Variants in TRIM69 observed in about 807,000 individuals in gnomAD.
TRIM69 encodes the protein E3 ubiquitin-protein ligase TRIM69.
A neutral mutation model predicts 37.7 loss-of-function variants in TRIM69; 29 were observed. The observed-to-expected ratio is 0.77, with a 90% CI of 0.57 to 1.05. The LOEUF is 1.05. Among genes scored for constraint, TRIM69 ranks in the 50% least tolerant of loss-of-function variants. The pLI is 0.00. For synonymous variants in TRIM69, 209 were observed against 212.4 expected (o/e 0.98, Z 0.14); for missense variants, 596 against 579.9 (o/e 1.03, Z -0.28).
At chr15:44,750,841 C>A (rs1233387664) in intron 1 of TRIM69, among the ~76,000 whole-genome samples, 1 of 150,010 alleles carries the variant, frequency 6.7e-6, no homozygotes, top group Non-Finnish European at 1.5e-5. Context: ...TCTCCTGCCT[C>A]AGCCTCCCGA....
chr15:44,761,446 G>A (rs1468907416), intron 6 of TRIM69, among the ~76,000 whole-genome samples: 1 of 151,982 alleles, frequency 6.6e-6, no homozygotes, highest in Non-Finnish European at 1.5e-5. Flanking sequence ...ATCTTATTGT[G>A]GTTTTAATTT....
intron 6 of TRIM69, among the ~76,000 whole-genome samples, chr15:44,763,297 G>C (rs187419267): frequency 6.6e-6 from 1 of 152,282 alleles, no homozygotes; most frequent in Admixed American, 6.5e-5. Context: ...CAATTTGTTT[G>C]ATGTTTTCCT....
rs1356987267 is a variant in TRIM69, at chr15:44,736,684, C to A, written c.-21C>A. On this transcript the variant is annotated 5_prime_UTR_variant, in exon 1 of 7. Transcript: ENST00000329464. Reference sequence around the variant, plus strand: ...CTCTGATTCAAGTGCCTGCCTCTGCCCCTTGGTGGGCTGAAGCTTCATGGA... The same window carrying A: ...CTCTGATTCAAGTGCCTGCCTCTGCACCTTGGTGGGCTGAAGCTTCATGGA... 6.2e-7 allele frequency: 1 copy of A among 1,611,932 alleles called. No homozygotes were observed. Among genetic ancestry groups the A allele is most frequent in the African/African-American group, 1.3e-5 (1 of 74,696 alleles).
rs193083651 is a variant in TRIM69 at position 44,756,855 on chromosome 15, G to A, written c.579+392G>A. 2.7e-3 allele frequency: 435 copies of A among 159,070 alleles called. 6 individuals are homozygous for A. Among genetic ancestry groups the A allele is most frequent in the Non-Finnish European group, 1.2e-3 (90 of 72,132 alleles). The allele number at this position is 159,070 out of a possible 1,614,324, so 9.9% of individuals were successfully genotyped here. A position where few individuals can be genotyped will look rare whatever the true frequency, so the allele number is the denominator to read the frequency against. ...TTTATTTCCTTTGAGTTTATAACCA[G>A]ACACCTCTGGACTAGGTCTCTAAGG... On this transcript the variant is annotated intron_variant, in intron 3 of 6. Coordinates refer to ENST00000329464, the MANE Select transcript of TRIM69 (RefSeq NM_182985.5).
Position 44,736,665 on chromosome 15 carries a change from T to C in TRIM69, c.-40T>C. ...CCATCCTGGGCCTGCTGAGCTCTGATTCAAGTGCCTGCCTCTGCCCCTTGG... is the reference window on the plus strand; with the variant it reads ...CCATCCTGGGCCTGCTGAGCTCTGACTCAAGTGCCTGCCTCTGCCCCTTGG... On this transcript the variant is annotated 5_prime_UTR_variant, in exon 1 of 7. Coordinates refer to ENST00000329464, the MANE Select transcript of TRIM69 (RefSeq NM_182985.5). The C allele has an allele frequency of 6.2e-7, 1 of 1,610,906 alleles. No individual in the cohort carries two copies. Among genetic ancestry groups the C allele is most frequent in the South Asian group, 1.1e-5 (1 of 90,752 alleles).
At chr15:44,756,956 C>T (rs1211526354) in intron 3 of TRIM69, 1 of 152,416 alleles carries the variant, frequency 6.6e-6, no homozygotes, top group Non-Finnish European at 1.5e-5. Flanking sequence ...GCACTTTCAA[C>T]TTCATAGGCA....
At chr15:44,749,013 C>G (rs7178434) in intron 1 of TRIM69, among the ~76,000 whole-genome samples, 1 of 151,538 alleles carries the variant, frequency 6.6e-6, no homozygotes, top group African/African-American at 2.4e-5. Flanking sequence ...TCCGAGTAGC[C>G]GGGATTACAG....
rs1042452581 is a variant in TRIM69, at chr15:44,767,173, G to A, written c.962-58G>A. 5 of 1,421,194 alleles carry A rather than the reference G, an allele frequency of 3.5e-6. No homozygotes were observed. In the African/African-American group the frequency reaches 5.8e-5, roughly 16 times the overall value. The allele number at this position is 1,421,194 out of a possible 1,614,324, so 88.0% of individuals were successfully genotyped here. ...ATATGAAATACTATCTTTTACTGTG[G>A]GAATTTGTGTTTACCCCCCTTTCTC... On this transcript the variant is annotated intron_variant, in intron 6 of 6. Coordinates refer to ENST00000329464, the MANE Select transcript of TRIM69 (RefSeq NM_182985.5).
intron 1 of TRIM69, among the ~76,000 whole-genome samples, chr15:44,750,011 T>C (rs939573443): frequency 2.6e-5 from 4 of 152,236 alleles, no homozygotes; most frequent in African/African-American, 9.6e-5. Flanking sequence ...TGCTTGTTGG[T>C]CATTTGTTTA....
intron 6 of TRIM69, 44 bp downstream of exon 6, chr15:44,759,916 A>G (rs1383321628): frequency 1.5e-5 from 23 of 1,581,504 alleles, no homozygotes; most frequent in Non-Finnish European, 2.0e-5. Flanking sequence ...CTCCTAATCT[A>G]CGTTTAATCT....
intron 6 of TRIM69, among the ~76,000 whole-genome samples, chr15:44,762,136 T>G (rs567263411): frequency 2.0e-5 from 3 of 152,066 alleles, no homozygotes; most frequent in Non-Finnish European, 2.9e-5. Flanking sequence ...CGGCTAATTT[T>G]TTTGCATTTT....
At chr15:44,751,833 C>T (rs2087539587) in intron 1 of TRIM69, among the ~76,000 whole-genome samples, 1 of 151,934 alleles carries the variant, frequency 6.6e-6, no homozygotes, top group East Asian at 1.9e-4. Flanking sequence ...GCAACCTCCA[C>T]TTCCTGGGTT....
At chr15:44,751,648 T>A (rs1421798223) in intron 1 of TRIM69, among the ~76,000 whole-genome samples, 2 of 152,240 alleles carry the variant, frequency 1.3e-5, no homozygotes. Context: ...TGGCTATTGA[T>A]TTGTGGTCTT....
At chr15:44,763,625 G>C (rs114730994) in intron 6 of TRIM69, among the ~76,000 whole-genome samples, 2 of 152,074 alleles carry the variant, frequency 1.3e-5, no homozygotes, top group Non-Finnish European at 2.9e-5. Context: ...GTCTCTTCTG[G>C]TTGGTAATTT....
intron 1 of TRIM69, among the ~76,000 whole-genome samples, chr15:44,737,317 AT>A (rs973648702): frequency 1.3e-5 from 2 of 152,198 alleles, no homozygotes; most frequent in African/African-American, 4.8e-5. Context: ...TAATTTCATT[AT>A]ATTAATCATT....
At chr15:44,761,324 G>A (rs555894399) in intron 6 of TRIM69, among the ~76,000 whole-genome samples, 1 of 152,276 alleles carries the variant, frequency 6.6e-6, no homozygotes, top group South Asian at 2.1e-4. Flanking sequence ...GTAGTCCATG[G>A]TAGTTTTATC....
Position 44,767,231 on chromosome 15 carries a change from G to A in TRIM69, c.962G>A (p.Gly321Asp). 6.2e-7 allele frequency: 1 copy of A among 1,610,752 alleles called. No individual in the cohort carries two copies. Among genetic ancestry groups the A allele is most frequent in the East Asian group, 2.2e-5 (1 of 44,848 alleles). Residue 321 changes from glycine (G) to aspartate (D), a missense_variant and splice_region_variant, in exon 7 of 7, where the codon GGC becomes GAC. Coordinates refer to ENST00000329464, the MANE Select transcript of TRIM69 (RefSeq NM_182985.5). Reference sequence around the variant, plus strand: ...CTGCTTTCTTTTATTTTCTTACTAGGCCTGTCTCCACTAACTCTGGACCCT... The same window carrying A: ...CTGCTTTCTTTTATTTTCTTACTAGACCTGTCTCCACTAACTCTGGACCCT... ...WREMQDTLCP[G>D]LSPLTLDPKT...
intron 1 of TRIM69, 171 bp from the exon 2 acceptor site, chr15:44,754,727 ACG>A: frequency 1.6e-6 from 1 of 628,748 alleles, no homozygotes; most frequent in South Asian, 2.0e-5. Context: ...ATAGCATCAT[ACG>A]CTATAATTTC....
chr15:44,755,404 C>G, intron 2 of TRIM69, 28 bp downstream of exon 2: 1 of 1,522,942 alleles, frequency 6.6e-7, no homozygotes, highest in Non-Finnish European at 9.0e-7. Flanking sequence ...CTTGAACAAT[C>G]CCTTAGAAAA....
Sources: allele counts gnomAD v4.1 joint callset (sites outside exome capture counted in the v4.1 genomes callset), GRCh38; gene constraint gnomAD v4.1.1; transcripts MANE v1.5; gene names NCBI Gene and HGNC (gene_info 2026-07-23, HGNC 2026-07-21).